STK3: variants seen among roughly 807,000 people sequenced by gnomAD.
The protein encoded by STK3 is serine/threonine-protein kinase 3.
In STK3, 41 loss-of-function variants were observed where a neutral mutation model predicts 58.0. The observed-to-expected ratio is 0.71, with a 90% CI of 0.55 to 0.92. The LOEUF (loss-of-function observed/expected upper bound fraction) is 0.92. Among genes scored for constraint, STK3 ranks in the 40% least tolerant of loss-of-function variants. STK3 has a pLI of 0.00. For missense variants in STK3, 479 were observed against 602.7 expected, an observed-to-expected ratio of 0.79 and a Z score of 2.15; for synonymous variants, 170 against 191.0, an observed-to-expected ratio of 0.89 and a Z score of 0.91.
At chr8:98,394,406 C>A (rs1250198825) in intron 3 of STK3, among the ~76,000 whole-genome samples, 2 of 151,996 alleles carry the variant, frequency 1.3e-5, no homozygotes, top group African/African-American at 4.8e-5. Context: ...TTCAGCCAGG[C>A]ACAGTGGCTC....
intron 10 of STK3, among the ~76,000 whole-genome samples, chr8:98,462,040 T>C (rs1422887969): frequency 2.0e-5 from 3 of 152,182 alleles, no homozygotes; most frequent in East Asian, 1.9e-4. Context: ...AAGCACCTCA[T>C]TGAGAATGGG....
chr8:98,479,429 G>A (rs984652565), intron 10 of STK3, among the ~76,000 whole-genome samples: 4 of 140,622 alleles, frequency 2.8e-5, no homozygotes, highest in Non-Finnish European at 6.1e-5. Flanking sequence ...GGAGGTTGCC[G>A]TGAGCCAAGA....
intron 3 of STK3, among the ~76,000 whole-genome samples, chr8:98,403,675 G>A (rs1460297384): frequency 6.6e-6 from 1 of 152,162 alleles, no homozygotes; most frequent in African/African-American, 2.4e-5. Flanking sequence ...CTATGCACAG[G>A]TAGAGCAGGC....
In STK3 at chr8:98,706,928, A is replaced by G. The variant is rs140146987; in HGVS notation, c.516+219T>C. Among the ~76,000 whole-genome samples the G allele has an allele frequency of 6.8e-3, 1,032 of 152,332 alleles. 8 individuals are homozygous for G. Among genetic ancestry groups the G allele is most frequent in the African/African-American group, 0.023 (968 of 41,578 alleles). ...AGCTACGTAGCTTCCCTTTTAGAAC[A>G]TTTAAGCATTTTGATTATAAGATAT... On this transcript the variant is annotated intron_variant, in intron 5 of 10. Transcript: ENST00000419617.
chr8:98,693,723 G>A (rs1179178983), intron 6 of STK3, among the ~76,000 whole-genome samples: 4 of 152,140 alleles, frequency 2.6e-5, no homozygotes, highest in Non-Finnish European at 4.4e-5. Context: ...GACATCCAAG[G>A]TATCTACAAA....
chr8:98,571,115 A>G (rs111714066), intron 8 of STK3, among the ~76,000 whole-genome samples: 2,670 of 152,206 alleles, frequency 0.018, 74 homozygotes, highest in African/African-American at 0.061. Flanking sequence ...GGATCACTTG[A>G]GGTCAGGAGT....
At chr8:98,367,008 A>G (rs566497074), downstream of STK3, among the ~76,000 whole-genome samples, 3 of 152,356 alleles carry the variant, frequency 2.0e-5, no homozygotes, top group East Asian at 3.9e-4. Flanking sequence ...TCACACAGTT[A>G]GTAAAAGACA....
At chr8:98,703,688 T>C (rs1022339446) in intron 6 of STK3, among the ~76,000 whole-genome samples, 3 of 152,248 alleles carry the variant, frequency 2.0e-5, no homozygotes, top group Non-Finnish European at 4.4e-5. Context: ...AAATTCCCTA[T>C]AGCCCCATCC....
intron 6 of STK3, among the ~76,000 whole-genome samples, chr8:98,599,702 T>G (rs1235178005): frequency 6.6e-6 from 1 of 152,180 alleles, no homozygotes; most frequent in African/African-American, 2.4e-5. Flanking sequence ...CCAGGTGCAG[T>G]GACTCATGCC....
At chr8:98,793,245 G>A (rs1177826525) in intron 1 of STK3, among the ~76,000 whole-genome samples, 2 of 151,978 alleles carry the variant, frequency 1.3e-5, no homozygotes, top group African/African-American at 2.4e-5. Flanking sequence ...CTCAGGTGAT[G>A]GGTGCAACAA....
At chr8:98,406,692 C>T (rs1388541044) in intron 3 of STK3, among the ~76,000 whole-genome samples, 1 of 152,202 alleles carries the variant, frequency 6.6e-6, no homozygotes, top group East Asian at 1.9e-4. Context: ...GATTCAGTAA[C>T]ACCCAACTCT....
At chr8:98,683,913 C>T (rs1269419185) in intron 6 of STK3, among the ~76,000 whole-genome samples, 3 of 152,214 alleles carry the variant, frequency 2.0e-5, no homozygotes, top group East Asian at 1.9e-4. Flanking sequence ...CAGTTATTTT[C>T]GATCAAGGAA....
chr8:98,552,780 T>C (rs915753134), intron 8 of STK3, among the ~76,000 whole-genome samples: 3 of 152,172 alleles, frequency 2.0e-5, no homozygotes, highest in African/African-American at 7.2e-5. Context: ...ATCCTCATTA[T>C]TAAAACACCT....
chr8:98,853,953 T>C (rs931007803), intron 3 of STK3, among the ~76,000 whole-genome samples: 1 of 152,076 alleles, frequency 6.6e-6, no homozygotes, highest in African/African-American at 2.4e-5. Context: ...CTTCCAAAAA[T>C]AGAAGAGGCA....
At chr8:98,903,503 T>TTCC (rs2131957927) in intron 1 of STK3, among the ~76,000 whole-genome samples, 1 of 31,258 alleles carries the variant, frequency 3.2e-5, no homozygotes, top group South Asian at 1.7e-3. Flanking sequence ...CTTCTTCTTC[T>TTCC]TCTTCTTCTT....
intron 6 of STK3, among the ~76,000 whole-genome samples, chr8:98,683,313 C>A (rs1472194631): frequency 1.3e-5 from 2 of 151,976 alleles, no homozygotes; most frequent in Admixed American, 6.6e-5. Flanking sequence ...ATTACTTTCA[C>A]TTTTTAATTT....
At chr8:98,484,664 GA>G (rs1310956587) in intron 10 of STK3, among the ~76,000 whole-genome samples, 22 of 151,292 alleles carry the variant, frequency 1.5e-4, no homozygotes, top group Non-Finnish European at 1.8e-4. Context: ...AAAAAGAAAA[GA>G]AAAAAAGTAA....
intron 6 of STK3, among the ~76,000 whole-genome samples, chr8:98,612,903 A>G (rs1377152706): frequency 6.6e-6 from 1 of 152,158 alleles, no homozygotes; most frequent in African/African-American, 2.4e-5. Context: ...TGGAAAGTAA[A>G]AGGACAGCCC....
intron 4 of STK3, chr8:98,722,886 G>C (rs149444105): frequency 2.6e-5 from 13 of 508,154 alleles, no homozygotes; most frequent in Non-Finnish European, 5.1e-5. Context: ...GGTAATGTAA[G>C]AATTCAGCTC....
Sources: allele counts gnomAD v4.1 joint callset (sites outside exome capture counted in the v4.1 genomes callset), GRCh38; gene constraint gnomAD v4.1.1; transcripts MANE v1.5; gene names NCBI Gene and HGNC (gene_info 2026-07-23, HGNC 2026-07-21).